Variants in PRPF19 observed in about 807,000 individuals in gnomAD.
PRPF19 encodes the protein pre-mRNA-processing factor 19.
PRPF19 carries 2 observed loss-of-function variants against 64.2 expected under a neutral mutation model. The ratio of observed to expected loss-of-function variants is 0.03; its 90% confidence interval spans 0.01 to 0.10. PRPF19 has a LOEUF of 0.10. Ranked by LOEUF, PRPF19 falls within the 10% of genes least tolerant of loss-of-function variation. The probability of loss-of-function intolerance (pLI) is 1.00; values close to 1 mark genes in which losing one functional copy is unlikely to be tolerated. For synonymous variants in PRPF19, 226 were observed against 251.6 expected (o/e 0.90, Z 0.96); for missense variants, 314 against 650.0 (o/e 0.48, Z 5.62).
Position 60,898,531 on chromosome 11 carries a change from C to G in PRPF19, c.1140+10G>C. On this transcript the variant is annotated intron_variant, in intron 13 of 15. Transcript: ENST00000227524. This position sits in a 1 kb window ranked among gnomAD's most constrained non-coding sequence, Gnocchi z 4.6. Reference sequence around the variant, plus strand: ...CCCTGGGCCTCAGATGGAGGCCTACCATGTCCTACCTTCAAGTCCCAGATC... The same window carrying G: ...CCCTGGGCCTCAGATGGAGGCCTACGATGTCCTACCTTCAAGTCCCAGATC... The G allele has an allele frequency of 1.2e-6, 2 of 1,614,014 alleles. No individual in the cohort carries two copies. Among genetic ancestry groups the G allele is most frequent in the East Asian group, 4.5e-5 (2 of 44,888 alleles).
At chr11:60,905,444 G>A (rs539526239) in intron 1 of PRPF19, 3 of 152,312 alleles carry the variant, frequency 2.0e-5, no homozygotes, top group African/African-American at 4.8e-5. Flanking sequence ...TTGGATCAAT[G>A]TACAGGTTCT....
intron 15 of PRPF19, among the ~76,000 whole-genome samples, chr11:60,897,332 T>C (rs1238153009): frequency 4.6e-5 from 7 of 152,234 alleles, no homozygotes; most frequent in African/African-American, 1.7e-4. Context: ...ATAGCAATAG[T>C]CTTGGCGTGT....
Position 60,899,161 on chromosome 11 carries a change from G to C in PRPF19, c.972C>G (p.Ser324=). Residue 324 remains serine, a synonymous_variant, in exon 11 of 16, where the codon TCC becomes TCG. Transcript: ENST00000227524. ...LHATGDYLLS[S]SDDQYWAFSD... ...GCTGGGACCGCACCTGATCATCGGA[G>C]GAGCTCAGGAGATAGTCGCCAGTGG... The C allele has an allele frequency of 6.2e-7, 1 of 1,612,742 alleles. No homozygotes were observed. Among genetic ancestry groups the C allele is most frequent in the Non-Finnish European group, 8.5e-7 (1 of 1,179,430 alleles).
rs570540132 is a variant in PRPF19 at position 60,890,916 on chromosome 11, C to T, written c.*250G>A. The T allele has an allele frequency of 2.2e-3, 1,271 of 588,070 alleles. 4 individuals carry two copies. Among genetic ancestry groups the T allele is most frequent in the East Asian group, 4.6e-3 (120 of 25,890 alleles). The allele number at this position is 588,070 out of a possible 1,614,324, so 36.4% of individuals were successfully genotyped here. On this transcript the variant is annotated 3_prime_UTR_variant, in exon 16 of 16. Transcript: ENST00000227524. ...ACAGGAAGGGAGAGGCCCTGGGCTC[C>T]GACCCTGGGCCTTAAGAGGGTGACA... is the stretch of plus-strand genomic sequence containing the variant.
rs1856009043 is a variant in PRPF19 at position 60,903,553 on chromosome 11, AG to A, written c.170-19del. On this transcript the variant is annotated intron_variant, in intron 2 of 15. Coordinates refer to ENST00000227524, the MANE Select transcript of PRPF19 (RefSeq NM_014502.5). ...GTGAGCAACTGCCGAAAGGGAAAGC[AG>A]GTATGAAGAACATAACCCAGGGGCC... 1.2e-6 allele frequency: 2 copies of A among 1,613,340 alleles called. No homozygotes were observed. Among genetic ancestry groups the A allele is most frequent in the Non-Finnish European group, 1.7e-6 (2 of 1,179,582 alleles).
intron 15 of PRPF19, among the ~76,000 whole-genome samples, chr11:60,891,853 A>G (rs2134854849): frequency 6.6e-6 from 1 of 152,354 alleles, no homozygotes; most frequent in East Asian, 1.9e-4. Flanking sequence ...CACCAGGTAC[A>G]GTACAGGGTG....
Position 60,906,378 on chromosome 11 carries a change from G to A in PRPF19, c.5C>T (p.Ser2Phe), listed in dbSNP as rs1380054398. The stretch of plus-strand genomic sequence containing the variant: ...CCAACACTCACTGGAGCAGATTAGG[G>A]ACATGGCGCCGTCACCGTGCTCCGA... M[S>F]LICSISNEVP... The change falls in exon 1 of 16, where the codon TCC (serine) becomes TTC (phenylalanine). Residue 2 changes from serine (S) to phenylalanine (F), a missense_variant. By Grantham distance (155) the Ser-to-Phe change is radical. Around this residue, in one of 7 missense-constraint regions of PRPF19, gnomAD observed 66 missense variants for 88.4 expected, o/e 0.75. Coordinates refer to ENST00000227524, the MANE Select transcript of PRPF19 (RefSeq NM_014502.5). 1.3e-6 allele frequency: 2 copies of A among 1,598,050 alleles called. No homozygotes were observed. Among genetic ancestry groups the A allele is most frequent in the Non-Finnish European group, 1.7e-6 (2 of 1,174,166 alleles).
chr11:60,901,606 G>T (rs1396358533), intron 6 of PRPF19, 66 bp from the exon 7 acceptor site: 1 of 1,580,396 alleles, frequency 6.3e-7, no homozygotes, highest in African/African-American at 1.4e-5. Flanking sequence ...TTAGATGCTG[G>T]TCACACCTGT....
At chr11:60,899,596 AAATGTAGCTAGTAC>A (rs1483998796) in intron 10 of PRPF19, among the ~76,000 whole-genome samples, 3 of 152,248 alleles carry the variant, frequency 2.0e-5, no homozygotes, top group African/African-American at 7.2e-5. Flanking sequence ...ACCAAAGGAA[AAATGTAGCTAGTAC>A]AATTGAGGGA....
At chr11:60,891,406 G>A in intron 15 of PRPF19, 143 bp from the exon 16 acceptor site, 1 of 651,184 alleles carries the variant, frequency 1.5e-6, no homozygotes, top group Non-Finnish European at 2.7e-6. Flanking sequence ...GTTTTCCCTA[G>A]GCTGACCTGC....
chr11:60,901,684 C>G, intron 6 of PRPF19, 144 bp from the exon 7 acceptor site: 1 of 899,670 alleles, frequency 1.1e-6, no homozygotes, highest in Non-Finnish European at 1.7e-6. Flanking sequence ...AAGGCATTCT[C>G]TCTTCTTACT....
In PRPF19 at chr11:60,893,277, G is replaced by C. The variant is rs192186967; in HGVS notation, c.1418-2014C>G. On this transcript the variant is annotated intron_variant, in intron 15 of 15. Transcript: ENST00000227524. ...GAGGCCGAGGTGGGCAGATCACGAG[G>C]TCAGGAGTTTGAGATCAGCCTGGCC... is the stretch of plus-strand genomic sequence containing the variant. Among the ~76,000 whole-genome samples, 769 of 151,254 alleles carry C rather than the reference G, an allele frequency of 5.1e-3. 6 individuals carry two copies. The highest frequency in any genetic ancestry group is 0.018 in the African/African-American group (723 of 41,200).
chr11:60,904,406 A>T (rs1344992210), intron 1 of PRPF19, among the ~76,000 whole-genome samples: 2 of 152,160 alleles, frequency 1.3e-5, no homozygotes, highest in Non-Finnish European at 2.9e-5. Context: ...CTCCAATTCA[A>T]TTCTGACACC....
Position 60,898,017 on chromosome 11 carries a change from A to G in PRPF19, c.1312-66T>C, listed in dbSNP as rs937312927. 1 of 1,608,290 alleles carries G rather than the reference A, an allele frequency of 6.2e-7. No homozygotes were observed. Among genetic ancestry groups the G allele is most frequent in the Admixed American group, 1.7e-5 (1 of 59,452 alleles). The stretch of plus-strand genomic sequence containing the variant: ...AGAAACTATGGGGCAGTTGCGGATA[A>G]GCAGAAGCAATTAGATTAATTCAAT... On this transcript the variant is annotated intron_variant, in intron 14 of 15. Transcript: ENST00000227524. The surrounding 1 kb of genome is among the most constrained non-coding windows in gnomAD (Gnocchi z 4.6).
chr11:60,906,550 G>T lies in PRPF19; in HGVS notation c.-168C>A. On this transcript the variant is annotated 5_prime_UTR_variant, in exon 1 of 16. It adds an upstream start codon to the 5' untranslated region. Coordinates refer to ENST00000227524, the MANE Select transcript of PRPF19 (RefSeq NM_014502.5). ...AGCGCTTCACGTGGGAATGGGGACA[G>T]CCGCGCGCCACAGCCTTCAGCACCT... 1 of 679,822 alleles carries T rather than the reference G, an allele frequency of 1.5e-6. No homozygotes were observed. Among genetic ancestry groups the T allele is most frequent in the Non-Finnish European group, 2.4e-6 (1 of 417,624 alleles). The allele number at this position is 679,822 out of a possible 1,614,324, so 42.1% of individuals were successfully genotyped here.
intron 15 of PRPF19, among the ~76,000 whole-genome samples, chr11:60,895,481 G>A (rs781423067): frequency 1.4e-4 from 22 of 152,334 alleles, no homozygotes; most frequent in Non-Finnish European, 2.6e-4. Context: ...TTAAAAGAAT[G>A]TTGTGGCTGG....
rs1277913858 is a variant in PRPF19 at position 60,891,236 on chromosome 11, G to C, written c.1445C>G (p.Ala482Gly). The C allele has an allele frequency of 7.4e-6, 12 of 1,613,708 alleles. No homozygotes were observed. Among genetic ancestry groups the C allele is most frequent in the African/African-American group, 1.3e-5 (1 of 75,008 alleles). The change falls in exon 16 of 16, where the codon GCC becomes GGC. Residue 482 changes from alanine to glycine, a missense_variant. Transcript: ENST00000227524. ...TEHSGLTTGV[A>G]FGHHAKFIAS... is the part of the protein sequence containing the mutation. ...GATGAACTTGGCGTGATGCCCGAAG[G>C]CCACCCCTGTGGTCAGGCCGCTATG...
Position 60,900,575 on chromosome 11 carries a change from C to G in PRPF19, c.828+7G>C. The G allele has an allele frequency of 6.5e-7, 1 of 1,542,782 alleles. No homozygotes were observed. Among genetic ancestry groups the G allele is most frequent in the Non-Finnish European group, 8.8e-7 (1 of 1,138,842 alleles). ...AAGAACCAAGGGTGGCGAGGAGAAC[C>G]CCTTACCTGGGAAGGGTGAAACACC... On this transcript the variant is annotated splice_region_variant and intron_variant, in intron 10 of 15. Transcript: ENST00000227524.
intron 1 of PRPF19, among the ~76,000 whole-genome samples, chr11:60,905,731 G>C (rs1051959531): frequency 6.6e-6 from 1 of 152,198 alleles, no homozygotes; most frequent in Non-Finnish European, 1.5e-5. Context: ...TTCTCCTTTA[G>C]GGAATTCTTG....
Sources: allele counts gnomAD v4.1 joint callset (sites outside exome capture counted in the v4.1 genomes callset), GRCh38; gene constraint gnomAD v4.1.1; regional missense constraint gnomAD v4.1.1; non-coding constraint Gnocchi (gnomAD v3.1); transcripts MANE v1.5; gene names NCBI Gene and HGNC (gene_info 2026-07-23, HGNC 2026-07-21).